Variants in DLGAP2 observed in about 807,000 individuals in gnomAD.
DLGAP2 encodes the protein disks large-associated protein 2.
Under a neutral mutation model 100.3 loss-of-function variants are expected in DLGAP2, and 26 were observed. That is an observed-to-expected ratio of 0.26 (90% CI 0.19 to 0.36). The LOEUF (loss-of-function observed/expected upper bound fraction) is 0.36, where lower values mean the gene tolerates loss of function less well. DLGAP2 is among the 10% of genes least tolerant of loss of function. DLGAP2 has a pLI of 1.00. For synonymous variants in DLGAP2, 886 were observed against 630.1 expected (o/e 1.41, Z -6.08); for missense variants, 1,858 against 1,453.2 (o/e 1.28, Z -4.53).
chr8:1,650,291 C>G (rs1798132668), intron 8 of DLGAP2, among the ~76,000 whole-genome samples: 1 of 152,184 alleles, frequency 6.6e-6, no homozygotes, highest in Non-Finnish European at 1.5e-5. Context: ...TTTAGAAGCT[C>G]CATATACATG....
At chr8:1,109,143 A>G (rs1320250286) in intron 2 of DLGAP2, among the ~76,000 whole-genome samples, 7 of 47,386 alleles carry the variant, frequency 1.5e-4, no homozygotes, top group East Asian at 1.0e-3. Context: ...GGTGTGCTGG[A>G]TCTGTGAGGT....
At chr8:835,202 GAAT>G (rs1298881757) in intron 1 of DLGAP2, among the ~76,000 whole-genome samples, 1 of 152,038 alleles carries the variant, frequency 6.6e-6, no homozygotes, top group Non-Finnish European at 1.5e-5. Context: ...GAGTAGTGAG[GAAT>G]AAAACTTTAT....
At chr8:1,456,733 G>A (rs1798323871) in intron 3 of DLGAP2, among the ~76,000 whole-genome samples, 1 of 151,920 alleles carries the variant, frequency 6.6e-6, no homozygotes, top group Non-Finnish European at 1.5e-5. Flanking sequence ...GAAGGCCCCG[G>A]TCGTTGGACG....
At chr8:1,608,725 G>C (rs1214564634) in intron 6 of DLGAP2, among the ~76,000 whole-genome samples, 7 of 146,262 alleles carry the variant, frequency 4.8e-5, no homozygotes, top group African/African-American at 1.3e-4. Context: ...ACCAAGGCTC[G>C]AGAACTACGT....
chr8:1,540,813 A>G (rs992448444), intron 4 of DLGAP2, among the ~76,000 whole-genome samples: 4 of 152,268 alleles, frequency 2.6e-5, no homozygotes, highest in Non-Finnish European at 5.9e-5. Context: ...TGGATAATAC[A>G]GTTCCACCTT....
chr8:810,361 T>G (rs542002397), intron 1 of DLGAP2, among the ~76,000 whole-genome samples: 2 of 152,216 alleles, frequency 1.3e-5, no homozygotes, highest in Non-Finnish European at 2.9e-5. Flanking sequence ...AAATATAGGG[T>G]AGTTTATCTG....
chr8:1,133,121 A>G (rs925201645), intron 2 of DLGAP2, among the ~76,000 whole-genome samples: 2 of 152,184 alleles, frequency 1.3e-5, no homozygotes, highest in Non-Finnish European at 2.9e-5. Flanking sequence ...GAAGAAAGCA[A>G]ACATCTCTGG....
At chr8:906,073 A>C (rs1024436068) in intron 1 of DLGAP2, among the ~76,000 whole-genome samples, 1 of 152,234 alleles carries the variant, frequency 6.6e-6, no homozygotes, top group Non-Finnish European at 1.5e-5. Flanking sequence ...CAGGGCCCCA[A>C]GTTCCACTGT....
At chr8:1,438,528 C>A (rs770199999) in intron 3 of DLGAP2, among the ~76,000 whole-genome samples, 16 of 152,096 alleles carry the variant, frequency 1.1e-4, no homozygotes, top group Non-Finnish European at 2.2e-4. Context: ...TCACCACTAG[C>A]TTTTGACTAA....
chr8:1,377,200 G>A (rs1187364062), intron 3 of DLGAP2, among the ~76,000 whole-genome samples: 4 of 152,244 alleles, frequency 2.6e-5, no homozygotes, highest in Non-Finnish European at 5.9e-5. Context: ...TGCAGCTGTA[G>A]GGTTAGGGCA....
intron 4 of DLGAP2, among the ~76,000 whole-genome samples, chr8:1,543,613 T>C (rs1801435585): frequency 6.6e-6 from 1 of 152,148 alleles, no homozygotes; most frequent in Admixed American, 6.5e-5. Flanking sequence ...TAAGTGTGAG[T>C]CTTCCAACCT....
At chr8:1,286,721 G>T (rs759062467) in intron 3 of DLGAP2, among the ~76,000 whole-genome samples, 7 of 152,180 alleles carry the variant, frequency 4.6e-5, no homozygotes, top group Non-Finnish European at 8.8e-5. Flanking sequence ...AGAGCAACTG[G>T]AGTGTTAATC....
At chr8:1,539,507 G>A (rs562339041) in intron 4 of DLGAP2, among the ~76,000 whole-genome samples, 1 of 152,276 alleles carries the variant, frequency 6.6e-6, no homozygotes, top group Non-Finnish European at 1.5e-5. Context: ...TGTGCCTGGA[G>A]CCAGAAGCGC....
At chr8:822,283 C>T (rs1210419187) in intron 1 of DLGAP2, 3 of 399,106 alleles carry the variant, frequency 7.5e-6, no homozygotes, top group Non-Finnish European at 1.3e-5. Flanking sequence ...GATGGGTGCT[C>T]CACCCGGGGA....
chr8:1,012,131 A>G (rs1475063008), intron 2 of DLGAP2, among the ~76,000 whole-genome samples: 5 of 152,162 alleles, frequency 3.3e-5, no homozygotes, highest in Non-Finnish European at 5.9e-5. Context: ...AGCCAGGTGC[A>G]GCGGTATCCC....
At chr8:899,671 T>C (rs941122177) in intron 1 of DLGAP2, among the ~76,000 whole-genome samples, 4 of 152,244 alleles carry the variant, frequency 2.6e-5, no homozygotes, top group African/African-American at 4.8e-5. Flanking sequence ...TCTCATCTCA[T>C]AGCTTGTAAT....
At chr8:1,044,957 T>C (rs1477539294) in intron 2 of DLGAP2, among the ~76,000 whole-genome samples, 3 of 152,240 alleles carry the variant, frequency 2.0e-5, no homozygotes, top group Non-Finnish European at 4.4e-5. Flanking sequence ...TCCCTCCATC[T>C]TTCAGAGGAA....
intron 3 of DLGAP2, among the ~76,000 whole-genome samples, chr8:1,285,225 A>G (rs1799898453): frequency 6.6e-6 from 1 of 152,204 alleles, no homozygotes; most frequent in East Asian, 1.9e-4. Context: ...CTGAGAATAT[A>G]AGTAGATGAC....
intron 3 of DLGAP2, among the ~76,000 whole-genome samples, chr8:1,370,893 G>A (rs974186505): frequency 2.0e-4 from 30 of 152,198 alleles, no homozygotes; most frequent in Non-Finnish European, 4.4e-5. Context: ...GTTCATCTGT[G>A]TGTTAGGTGC....
Sources: gnomAD v4.1 joint callset for allele counts (sites outside exome capture counted in the v4.1 genomes callset) on GRCh38, gnomAD v4.1.1 for gene constraint, MANE v1.5 for transcripts, NCBI Gene and HGNC (gene_info 2026-07-23, HGNC 2026-07-21) for gene names.